MEGF10: variants seen among roughly 807,000 people sequenced by gnomAD.
The protein encoded by MEGF10 is multiple EGF like domains 10.
In MEGF10, 86 loss-of-function variants were observed where a neutral mutation model predicts 147.5. The observed-to-expected ratio is 0.58, with a 90% CI of 0.49 to 0.70. The LOEUF is 0.70. MEGF10 is among the 30% of genes least tolerant of loss of function. The probability of loss-of-function intolerance (pLI) is 0.00; values close to 1 mark genes in which losing one functional copy is unlikely to be tolerated. For synonymous variants in MEGF10, 478 were observed against 525.5 expected (o/e 0.91, Z 1.24); for missense variants, 1,329 against 1,487.3 (o/e 0.89, Z 1.75).
At position 127,307,078 on chromosome 5, in the gene MEGF10, CAA is replaced by C. The variant is rs554760448; in HGVS notation, c.-19+16024_-19+16025del. On this transcript the variant is annotated intron_variant, in intron 1 of 24. Transcript: ENST00000503335. ...GGCATGGCCTTGAATGAAACAACAA[CAA>C]AGAAATCCTTCCGGAGTGAAAGGAG... Among the ~76,000 whole-genome samples the C allele has an allele frequency of 3.3e-5, 5 of 152,206 alleles. No individual in the cohort carries two copies. The South Asian group carries it at 1.0e-3, about 32-fold the overall frequency.
At chr5:127,370,188 T>G (rs1292008845) in intron 5 of MEGF10, among the ~76,000 whole-genome samples, 186 bp downstream of exon 5, 1 of 152,222 alleles carries the variant, frequency 6.6e-6, no homozygotes, top group African/African-American at 2.4e-5. Context: ...TATTCGTTAA[T>G]TAAGTATAAA....
the MEGF10 span, among the ~76,000 whole-genome samples, chr5:127,245,150 A>G: frequency 6.6e-6 from 1 of 152,170 alleles, no homozygotes; most frequent in East Asian, 1.9e-4. Context: ...TATAGCCAAG[A>G]CAATCCTAAG....
the MEGF10 span, among the ~76,000 whole-genome samples, chr5:127,277,488 C>G: frequency 6.6e-6 from 1 of 152,342 alleles, no homozygotes; most frequent in Middle Eastern, 3.4e-3. Flanking sequence ...ATCTCCATCT[C>G]AGAGTCCATT....
chr5:127,240,645 A>T, the MEGF10 span, among the ~76,000 whole-genome samples: 1 of 152,118 alleles, frequency 6.6e-6, no homozygotes, highest in African/African-American at 2.4e-5. Flanking sequence ...TGGTTAAGTC[A>T]CTTGGCTTCT....
the MEGF10 span, among the ~76,000 whole-genome samples, chr5:127,275,297 G>A: frequency 2.0e-5 from 3 of 152,092 alleles, no homozygotes; most frequent in African/African-American, 7.3e-5. Flanking sequence ...TTACTACAGT[G>A]CATCAGGTGC....
chr5:127,288,466 A>C (rs1759099923), upstream of MEGF10, among the ~76,000 whole-genome samples: 1 of 152,210 alleles, frequency 6.6e-6, no homozygotes, highest in African/African-American at 2.4e-5. Context: ...GCATGAGAGC[A>C]CATGAAAAGC....
intron 1 of MEGF10, among the ~76,000 whole-genome samples, chr5:127,295,010 A>C (rs901176161): frequency 1.3e-5 from 2 of 152,066 alleles, no homozygotes; most frequent in Admixed American, 6.5e-5. Context: ...GTGTCAGAGC[A>C]CTGGAAAGGA....
the MEGF10 span, among the ~76,000 whole-genome samples, chr5:127,243,686 A>G: frequency 7.9e-5 from 12 of 152,310 alleles, no homozygotes; most frequent in African/African-American, 2.9e-4. Context: ...GTGTATCATC[A>G]TCAGAAACTT....
chr5:127,396,899 T>G, intron 6 of MEGF10, 121 bp downstream of exon 6: 1 of 1,419,348 alleles, frequency 7.0e-7, no homozygotes, highest in Non-Finnish European at 9.5e-7. Flanking sequence ...TACTGATGGG[T>G]CTAGGCTGCA....
chr5:127,307,549 C>T (rs1760071072), intron 1 of MEGF10, among the ~76,000 whole-genome samples: 1 of 152,182 alleles, frequency 6.6e-6, no homozygotes, highest in South Asian at 2.1e-4. Flanking sequence ...TCCCTGGGTG[C>T]TCTTCCTCTA....
chr5:127,406,769 G>A (rs1032317006), intron 8 of MEGF10, among the ~76,000 whole-genome samples: 4 of 152,304 alleles, frequency 2.6e-5, no homozygotes, highest in Middle Eastern at 3.4e-3. Flanking sequence ...ATATTGTGGT[G>A]AGTAAATGTA....
At chr5:127,334,558 T>G (rs1174170788) in intron 2 of MEGF10, among the ~76,000 whole-genome samples, 2 of 152,182 alleles carry the variant, frequency 1.3e-5, no homozygotes, top group Non-Finnish European at 2.9e-5. Flanking sequence ...CGATTGTGAT[T>G]CTAAGAAATT....
At chr5:127,433,791 C>G (rs1222465865) in intron 14 of MEGF10, among the ~76,000 whole-genome samples, 8 of 152,230 alleles carry the variant, frequency 5.3e-5, no homozygotes, top group Non-Finnish European at 1.0e-4. Context: ...TTTCTTCACC[C>G]TTCCTGAAAG....
chr5:127,430,476 C>T (rs1213797749), intron 13 of MEGF10, among the ~76,000 whole-genome samples: 2 of 152,166 alleles, frequency 1.3e-5, no homozygotes, highest in Admixed American at 6.5e-5. Flanking sequence ...ATACCTGGTG[C>T]GACTTAGAGA....
At chr5:127,386,823 G>GAGACAAGAGTCTC (rs1763452531) in intron 5 of MEGF10, among the ~76,000 whole-genome samples, 1 of 152,152 alleles carries the variant, frequency 6.6e-6, no homozygotes, top group Non-Finnish European at 1.5e-5. Flanking sequence ...CTTTTTGCTG[G>GAGACAAGAGTCTC]GCTGGGACAT....
At chr5:127,300,247 C>A (rs1191743961) in intron 1 of MEGF10, among the ~76,000 whole-genome samples, 2 of 152,182 alleles carry the variant, frequency 1.3e-5, no homozygotes, top group East Asian at 3.9e-4. Flanking sequence ...GCCATTAGGC[C>A]TGTTCATTTG....
the MEGF10 span, among the ~76,000 whole-genome samples, chr5:127,268,676 A>G: frequency 6.6e-6 from 1 of 152,206 alleles, no homozygotes; most frequent in African/African-American, 2.4e-5. Context: ...GGCATAGCCG[A>G]ACAAAAGGCA....
At chr5:127,444,931 G>A (rs1047825624) in intron 19 of MEGF10, 3 of 153,060 alleles carry the variant, frequency 2.0e-5, no homozygotes, top group African/African-American at 7.2e-5. Flanking sequence ...GGGACATTTA[G>A]CATTTAACTC....
At chr5:127,316,120 A>G (rs780949971) in intron 1 of MEGF10, among the ~76,000 whole-genome samples, 2 of 152,338 alleles carry the variant, frequency 1.3e-5, no homozygotes, top group East Asian at 1.9e-4. Context: ...AGTCTGCCAT[A>G]TAAGTTTGGT....
Sources: gnomAD v4.1 joint callset for allele counts (sites outside exome capture counted in the v4.1 genomes callset) on GRCh38, gnomAD v4.1.1 for gene constraint, MANE v1.5 for transcripts, NCBI Gene and HGNC (gene_info 2026-07-23, HGNC 2026-07-21) for gene names.